Variants in PITPNC1 observed in about 807,000 individuals in gnomAD.
PITPNC1 encodes cytoplasmic phosphatidylinositol transfer protein 1.
In PITPNC1, 18 loss-of-function variants were observed where a neutral mutation model predicts 44.7. That is an observed-to-expected ratio of 0.40 (90% CI 0.28 to 0.60). The LOEUF is 0.60. Ranked by LOEUF, PITPNC1 falls within the 20% of genes least tolerant of loss-of-function variation. PITPNC1 has a pLI of 0.39. For missense variants in PITPNC1, 290 were observed against 418.4 expected, an observed-to-expected ratio of 0.69 and a Z score of 2.68; for synonymous variants, 141 against 149.6, an observed-to-expected ratio of 0.94 and a Z score of 0.42.
At chr17:67,436,908 GTTTTT>G (rs1044625193) in intron 1 of PITPNC1, among the ~76,000 whole-genome samples, 1 of 68,416 alleles carries the variant, frequency 1.5e-5, no homozygotes, top group Admixed American at 1.8e-4. Context: ...AAATAGGGGT[GTTTTT>G]TTTTTTTTTT....
chr17:67,669,211 A>G (rs2042472238), intron 6 of PITPNC1, among the ~76,000 whole-genome samples: 1 of 152,188 alleles, frequency 6.6e-6, no homozygotes, highest in Non-Finnish European at 1.5e-5. Flanking sequence ...GGTTCAAGCA[A>G]TTCTCCTGCC....
intron 2 of PITPNC1, among the ~76,000 whole-genome samples, chr17:67,537,926 C>T (rs931965348): frequency 2.0e-5 from 3 of 151,114 alleles, no homozygotes; most frequent in Non-Finnish European, 4.4e-5. Flanking sequence ...GACCCAAGAT[C>T]GCGCCAGTGC....
intron 5 of PITPNC1, among the ~76,000 whole-genome samples, chr17:67,631,050 G>GTTATTATTATTATTA (rs201066540): frequency 8.2e-5 from 11 of 134,422 alleles, no homozygotes; most frequent in East Asian, 2.2e-4. Context: ...TGTTGTTGTT[G>GTTATTATTATTATTA]TTGTTATTAT....
intron 4 of PITPNC1, among the ~76,000 whole-genome samples, chr17:67,559,483 G>A (rs991391479): frequency 6.6e-6 from 1 of 152,146 alleles, no homozygotes; most frequent in Non-Finnish European, 1.5e-5. Flanking sequence ...TTTAGACAAA[G>A]GGAAATATCC....
intron 1 of PITPNC1, among the ~76,000 whole-genome samples, chr17:67,443,610 C>G (rs2039048609): frequency 7.0e-6 from 1 of 142,872 alleles, no homozygotes; most frequent in African/African-American, 2.6e-5. Flanking sequence ...GCACAGAGGA[C>G]AATAGGCAGA....
chr17:67,476,807 G>A (rs560504774), intron 1 of PITPNC1, among the ~76,000 whole-genome samples: 4 of 151,980 alleles, frequency 2.6e-5, no homozygotes, highest in African/African-American at 4.8e-5. Context: ...TAACGGGGCC[G>A]GGCCAGGGCT....
intron 4 of PITPNC1, among the ~76,000 whole-genome samples, chr17:67,577,765 G>A (rs1293974951): frequency 6.6e-6 from 1 of 152,070 alleles, no homozygotes; most frequent in African/African-American, 2.4e-5. Flanking sequence ...ATATCCCCTT[G>A]CTAATGTTAT....
chr17:67,483,063 CA>C (rs1336717603), intron 1 of PITPNC1, among the ~76,000 whole-genome samples: 1 of 152,160 alleles, frequency 6.6e-6, no homozygotes. Flanking sequence ...AAACTCCTTT[CA>C]CAGCCTCCTG....
At chr17:67,492,533 G>C (rs2144047856) in intron 1 of PITPNC1, among the ~76,000 whole-genome samples, 1 of 152,284 alleles carries the variant, frequency 6.6e-6, no homozygotes, top group South Asian at 2.1e-4. Flanking sequence ...ATCCAGAACT[G>C]TGAGCCAGTA....
intron 1 of PITPNC1, among the ~76,000 whole-genome samples, chr17:67,390,528 C>T (rs2038122571): frequency 6.6e-6 from 1 of 152,202 alleles, no homozygotes; most frequent in Admixed American, 6.5e-5. Context: ...AATACACATT[C>T]AGGAGGAGAT....
intron 8 of PITPNC1, among the ~76,000 whole-genome samples, chr17:67,692,070 C>T (rs2144483738): frequency 6.6e-6 from 1 of 152,004 alleles, no homozygotes; most frequent in East Asian, 1.9e-4. Context: ...CCTGTTTACC[C>T]TATAAAGGTA....
rs1172993120 is a variant in PITPNC1, at chr17:67,693,054, G to A, written c.*166G>A. The A allele has an allele frequency of 5.0e-6, 3 of 597,170 alleles. No homozygotes were observed. Among genetic ancestry groups the A allele is most frequent in the Non-Finnish European group, 8.9e-6 (3 of 337,592 alleles). The allele number at this position is 597,170 out of a possible 1,614,324, so 37.0% of individuals were successfully genotyped here. On this transcript the variant is annotated 3_prime_UTR_variant, in exon 9 of 9. Coordinates refer to ENST00000581322, the MANE Select transcript of PITPNC1 (RefSeq NM_012417.4). The stretch of plus-strand genomic sequence containing the variant: ...CTTCACATAGAATATGATTCCCTAA[G>A]TATGCTACACAGCATCATATTAGAT...
Position 67,532,941 on chromosome 17 carries a change from ATCTCAACAGGTGAG to A in PITPNC1, c.191_197+7del. ...GGGCAGTTCACCGAGAAGCGGGTGT[ATCTCAACAGGTGAG>A]TCATGGCAGCCTGCGTTCTGCACAG... On this transcript the variant is annotated splice_donor_variant and splice_donor_5th_base_variant and coding_sequence_variant and intron_variant, in exon 2 of 9. Transcript: ENST00000581322. LOFTEE classifies it high-confidence loss of function. 1 of 1,609,448 alleles carries A rather than the reference ATCTCAACAGGTGAG, an allele frequency of 6.2e-7. No individual in the cohort carries two copies. The highest frequency in any genetic ancestry group is 8.5e-7 in the Non-Finnish European group (1 of 1,178,496).
chr17:67,449,402 T>G (rs1279887292), intron 1 of PITPNC1, among the ~76,000 whole-genome samples: 2 of 152,202 alleles, frequency 1.3e-5, no homozygotes, highest in Non-Finnish European at 2.9e-5. Context: ...TCTATCAGCC[T>G]GTAGTGTTCT....
chr17:67,402,359 T>C (rs2038328718), intron 1 of PITPNC1, among the ~76,000 whole-genome samples: 1 of 152,214 alleles, frequency 6.6e-6, no homozygotes, highest in Admixed American at 6.5e-5. Context: ...CGTTATTTAC[T>C]GATCTTAGAT....
At chr17:67,633,803 C>G (rs565208722) in intron 6 of PITPNC1, among the ~76,000 whole-genome samples, 1 of 152,250 alleles carries the variant, frequency 6.6e-6, no homozygotes, top group East Asian at 1.9e-4. Flanking sequence ...CGGGCCCCCC[C>G]GGGCTGCTGT....
intron 1 of PITPNC1, among the ~76,000 whole-genome samples, chr17:67,514,918 G>T (rs879393276): frequency 2.6e-5 from 4 of 152,138 alleles, no homozygotes; most frequent in South Asian, 2.1e-4. Flanking sequence ...TTTACAGAAA[G>T]AAAATCATGG....
At chr17:67,626,900 C>T (rs1000929080) in intron 5 of PITPNC1, among the ~76,000 whole-genome samples, 1 of 151,940 alleles carries the variant, frequency 6.6e-6, no homozygotes, top group Admixed American at 6.6e-5. Context: ...GATGCTAATG[C>T]CTTCTGTTAG....
intron 1 of PITPNC1, among the ~76,000 whole-genome samples, chr17:67,510,538 C>T (rs1033972328): frequency 2.0e-5 from 3 of 152,182 alleles, no homozygotes; most frequent in African/African-American, 7.2e-5. Flanking sequence ...CTCAAGAGGG[C>T]GCCCTTGACC....
Sources: allele counts gnomAD v4.1 joint callset (sites outside exome capture counted in the v4.1 genomes callset), GRCh38; gene constraint gnomAD v4.1.1; transcripts MANE v1.5; gene names NCBI Gene and HGNC (gene_info 2026-07-23, HGNC 2026-07-21).